The following RELCH variants were observed in gnomAD, a reference collection of about 807,000 sequenced individuals.
RELCH encodes RAB11 binding and LisH domain, coiled-coil and HEAT repeat containing.
In RELCH, 41 loss-of-function variants were observed where a neutral mutation model predicts 150.3. That is an observed-to-expected ratio of 0.27 (90% CI 0.21 to 0.35). The LOEUF is 0.35. Ranked by LOEUF, RELCH falls within the 10% of genes least tolerant of loss-of-function variation. RELCH has a pLI of 1.00. For synonymous variants in RELCH, 478 were observed against 531.8 expected (o/e 0.90, Z 1.39); for missense variants, 1,092 against 1,467.8 (o/e 0.74, Z 4.18).
At chr18:62,303,798 G>T (rs1419062926) in intron 28 of RELCH, among the ~76,000 whole-genome samples, 2 of 152,204 alleles carry the variant, frequency 1.3e-5, no homozygotes, top group Non-Finnish European at 2.9e-5. Flanking sequence ...TTTCCTGAAT[G>T]CAAAGCACAT....
Position 62,187,381 on chromosome 18 carries a change from T to G in RELCH, c.-125T>G. On this transcript the variant is annotated 5_prime_UTR_variant, in exon 1 of 29. Transcript: ENST00000644646. ...TTGGAGCGTACTCCTTGTCTCTAAG[T>G]CGGGAGGCAGGACGTGGTCAGGCCG... 1.2e-6 allele frequency: 1 copy of G among 858,482 alleles called. No homozygotes were observed. The allele number at this position is 858,482 out of a possible 1,614,324, so 53.2% of individuals were successfully genotyped here.
At chr18:62,218,681 A>G (rs1334661436) in intron 2 of RELCH, among the ~76,000 whole-genome samples, 1 of 151,986 alleles carries the variant, frequency 6.6e-6, no homozygotes, top group Non-Finnish European at 1.5e-5. Flanking sequence ...TGCGATGTTA[A>G]TATACATCTA....
At chr18:62,214,144 T>G (rs934084108) in intron 2 of RELCH, among the ~76,000 whole-genome samples, 2 of 152,136 alleles carry the variant, frequency 1.3e-5, no homozygotes, top group Admixed American at 1.3e-4. Context: ...ACTGTGCTCA[T>G]ATATAAATAA....
At chr18:62,249,829 T>A (rs2042607038) in intron 11 of RELCH, among the ~76,000 whole-genome samples, 2 of 152,014 alleles carry the variant, frequency 1.3e-5, no homozygotes, top group Non-Finnish European at 2.9e-5. Context: ...ATATATTCAT[T>A]ATTAGCTATG....
chr18:62,201,037 G>A (rs1158483199), intron 1 of RELCH, among the ~76,000 whole-genome samples: 50 of 129,194 alleles, frequency 3.9e-4, no homozygotes, highest in Non-Finnish European at 6.5e-4. Context: ...GCAGTGGCGC[G>A]ATCTCGGCTT....
At chr18:62,264,596 G>A (rs1023426778) in intron 17 of RELCH, 133 bp from the exon 18 acceptor site, 1 of 655,518 alleles carries the variant, frequency 1.5e-6, no homozygotes, top group Admixed American at 2.9e-5. Flanking sequence ...CTATTCAGAG[G>A]GTCCCAGACA....
intron 11 of RELCH, among the ~76,000 whole-genome samples, chr18:62,250,413 T>TTAA (rs2042641016): frequency 6.6e-6 from 1 of 152,208 alleles, no homozygotes; most frequent in African/African-American, 2.4e-5. Context: ...GCTTCTCATT[T>TTAA]TAATACACTA....
In RELCH at chr18:62,274,021, A is replaced by G. The variant is rs17069686; in HGVS notation, c.2802A>G (p.Val934=). Residue 934 remains valine, a synonymous_variant, in exon 21 of 29, where the codon GTA becomes GTG. Transcript: ENST00000644646. ...RKLLVGFLED[V]MTLLSLSHAP... ...TGTTAGTTGGATTCTTAGAAGATGT[A>G]ATGACGCTGCTTTCATTATCTCATG... The G allele has an allele frequency of 1.2e-6, 2 of 1,612,846 alleles. No individual in the cohort carries two copies. The highest frequency in any genetic ancestry group is 2.2e-5 in the East Asian group (1 of 44,752).
chr18:62,213,813 T>C (rs2040322114), intron 2 of RELCH, among the ~76,000 whole-genome samples: 1 of 146,712 alleles, frequency 6.8e-6, no homozygotes, highest in Admixed American at 6.9e-5. Flanking sequence ...AAGAAGAAAA[T>C]AGAAGTTCCT....
intron 25 of RELCH, among the ~76,000 whole-genome samples, chr18:62,283,951 C>T (rs2044657677): frequency 6.6e-6 from 1 of 152,068 alleles, no homozygotes; most frequent in Admixed American, 6.5e-5. Context: ...AGTGTTGTTG[C>T]ATTAAATGGG....
chr18:62,280,424 T>C, intron 23 of RELCH: 1 of 1,613,988 alleles, frequency 6.2e-7, no homozygotes, highest in Non-Finnish European at 8.5e-7. Context: ...CTTGTTACCT[T>C]GTCCAGTGAT....
chr18:62,282,509 G>A, intron 25 of RELCH, 65 bp downstream of exon 25: 1 of 1,505,008 alleles, frequency 6.6e-7, no homozygotes, highest in Admixed American at 2.0e-5. Context: ...ACACTCCTCT[G>A]AGGCCTTGTC....
intron 1 of RELCH, among the ~76,000 whole-genome samples, chr18:62,206,614 TGTAA>T (rs1332952660): frequency 6.6e-6 from 1 of 152,236 alleles, no homozygotes; most frequent in Non-Finnish European, 1.5e-5. Context: ...TTAAGTACTG[TGTAA>T]GTAACAATTT....
rs1232849571 is a variant in RELCH, at chr18:62,187,824, T to G, written c.319T>G (p.Leu107Val). Residue 107 changes from leucine to valine, a missense_variant, in exon 1 of 29, where the codon TTG (leucine) becomes GTG (valine). Leu to Val is a conservative substitution (Grantham distance 32). This residue lies in a region of RELCH where 190 missense variants were observed against 276.2 expected (regional missense o/e 0.69). Coordinates refer to ENST00000644646, the MANE Select transcript of RELCH (RefSeq NM_001346231.2). ...IAAQLLRDQY[L>V]LTALELHTEL... ...TGCTCAGCTGTTGCGCGATCAATAC[T>G]TGCTGACCGCCCTGGAGCTGCATAC... is the stretch of plus-strand genomic sequence containing the variant. 1 of 1,593,192 alleles carries G rather than the reference T, an allele frequency of 6.3e-7. No individual in the cohort carries two copies. Among genetic ancestry groups the G allele is most frequent in the Non-Finnish European group, 8.5e-7 (1 of 1,169,874 alleles).
rs530366088 is a variant in RELCH, at chr18:62,262,987, T to C, written c.2351-1002T>C. Among the ~76,000 whole-genome samples, 3 of 152,140 alleles carry C rather than the reference T, an allele frequency of 2.0e-5. No homozygotes were observed. In the East Asian group the frequency reaches 5.8e-4, roughly 29 times the overall value. On this transcript the variant is annotated intron_variant, in intron 16 of 28. Coordinates refer to ENST00000644646, the MANE Select transcript of RELCH (RefSeq NM_001346231.2). ...TAGTGTTTCTTGGCTTTTAGATGCA[T>C]CACCCCAAACCTTGCCTTTATCTTC...
At position 62,264,114 on chromosome 18, in the gene RELCH, TG is replaced by T; in HGVS notation, c.2479del (p.Glu827ArgfsTer15). 6.2e-7 allele frequency: 1 copy of T among 1,602,718 alleles called. No homozygotes were observed. Among genetic ancestry groups the T allele is most frequent in the Non-Finnish European group, 8.5e-7 (1 of 1,175,662 alleles). On this transcript the variant is annotated frameshift_variant, in exon 17 of 29. Coordinates refer to ENST00000644646, the MANE Select transcript of RELCH (RefSeq NM_001346231.2). LOFTEE classifies it high-confidence loss of function. ...YQLEQEGTTGWESLLWVVNQL... is the reference protein window; with the variant it reads ...YQLEQEGTTGXESLLWVVNQL... ...GCTAGAACAAGAGGGTACAACAGGC[TG>T]GGAGAGTTTACTGTGGGTTGTCAAT...
chr18:62,275,452 T>G lies in RELCH; in HGVS notation c.2946T>G (p.Cys982Trp). 6.2e-7 allele frequency: 1 copy of G among 1,607,714 alleles called. No individual in the cohort carries two copies. Among genetic ancestry groups the G allele is most frequent in the Non-Finnish European group, 8.5e-7 (1 of 1,175,078 alleles). The change falls in exon 22 of 29, where the codon TGT becomes TGG. Residue 982 changes from cysteine (C) to tryptophan (W), a missense_variant. By Grantham distance (215) the Cys-to-Trp change is radical. Coordinates refer to ENST00000644646, the MANE Select transcript of RELCH (RefSeq NM_001346231.2). ...GVVHTSALVR[C>W]TAARMFELLV... ...TCCATACTTCAGCACTCGTGAGGTG[T>G]ACTGCTGCTAGAATGTTTGAGGTAT...
At chr18:62,277,671 T>A in intron 22 of RELCH, 1 of 977,382 alleles carries the variant, frequency 1.0e-6, no homozygotes, top group Middle Eastern at 5.3e-4. Flanking sequence ...GTCACTGAAA[T>A]TCACTAATAA....
At chr18:62,271,656 C>T (rs1318724447) in intron 20 of RELCH, among the ~76,000 whole-genome samples, 2 of 152,070 alleles carry the variant, frequency 1.3e-5, no homozygotes, top group Non-Finnish European at 2.9e-5. Flanking sequence ...TCATGAAGTC[C>T]TTGCCCATGC....
Sources: gnomAD v4.1 joint callset for allele counts (sites outside exome capture counted in the v4.1 genomes callset) on GRCh38, gnomAD v4.1.1 for gene constraint, gnomAD v4.1.1 regional missense constraint, MANE v1.5 for transcripts, NCBI Gene and HGNC (gene_info 2026-07-23, HGNC 2026-07-21) for gene names.